KLHL1: variants seen among roughly 807,000 people sequenced by gnomAD.
KLHL1 encodes the protein kelch like family member 1.
A neutral mutation model predicts 77.7 loss-of-function variants in KLHL1; 47 were observed. That is an observed-to-expected ratio of 0.60 (90% CI 0.48 to 0.77). The LOEUF is 0.77. Ranked by LOEUF, KLHL1 falls within the 30% of genes least tolerant of loss-of-function variation. KLHL1 has a pLI of 0.00. For synonymous variants in KLHL1, 360 were observed against 325.2 expected (o/e 1.11, Z -1.15); for missense variants, 925 against 910.8 (o/e 1.02, Z -0.20).
intron 1 of KLHL1, among the ~76,000 whole-genome samples, chr13:70,100,984 A>T (rs1050660220): frequency 2.0e-5 from 3 of 152,208 alleles, no homozygotes; most frequent in Non-Finnish European, 4.4e-5. Flanking sequence ...TGTATATTCT[A>T]TAAGTGTTCT....
chr13:69,903,669 G>A (rs1289429360), intron 4 of KLHL1, among the ~76,000 whole-genome samples: 2 of 95,852 alleles, frequency 2.1e-5, no homozygotes, highest in East Asian at 6.4e-4. Flanking sequence ...TTGAGATGGA[G>A]TGTCGCTCTG....
At chr13:70,005,469 T>G (rs1349448326) in intron 1 of KLHL1, among the ~76,000 whole-genome samples, 1 of 151,968 alleles carries the variant, frequency 6.6e-6, no homozygotes, top group Non-Finnish European at 1.5e-5. Context: ...TGAAATTTGT[T>G]TTTTGGATTT....
At chr13:70,048,788 T>C (rs1329740796) in intron 1 of KLHL1, among the ~76,000 whole-genome samples, 1 of 152,198 alleles carries the variant, frequency 6.6e-6, no homozygotes, top group Non-Finnish European at 1.5e-5. Flanking sequence ...ACTAGCCCAC[T>C]ACTCACCTCT....
At chr13:69,984,746 C>A (rs1465581266) in intron 1 of KLHL1, among the ~76,000 whole-genome samples, 7 of 152,088 alleles carry the variant, frequency 4.6e-5, no homozygotes, top group African/African-American at 1.7e-4. Flanking sequence ...TCTTGATTTC[C>A]TCGGCATGAG....
At chr13:69,780,707 T>TATATATATATATATATAC (rs1876111913) in intron 7 of KLHL1, among the ~76,000 whole-genome samples, 4 of 37,762 alleles carry the variant, frequency 1.1e-4, no homozygotes, top group Admixed American at 2.3e-4. Context: ...TATATGTATA[T>TATATATATATATATATAC]ATATATATGT....
intron 1 of KLHL1, among the ~76,000 whole-genome samples, chr13:70,045,415 CTTT>C (rs1886470145): frequency 6.6e-6 from 1 of 152,064 alleles, no homozygotes; most frequent in Admixed American, 6.6e-5. Flanking sequence ...AACCACTCTT[CTTT>C]TATTTCCACA....
chr13:70,098,919 G>T (rs1359031921), intron 1 of KLHL1, among the ~76,000 whole-genome samples: 1 of 151,562 alleles, frequency 6.6e-6, no homozygotes, highest in East Asian at 1.9e-4. Context: ...GACACCTATA[G>T]ATGGTATATC....
chr13:69,912,444 A>C (rs1489188514), intron 4 of KLHL1, among the ~76,000 whole-genome samples: 3 of 152,212 alleles, frequency 2.0e-5, no homozygotes, highest in Non-Finnish European at 1.5e-5. Context: ...ACTCCTTGCA[A>C]TGACAAACTC....
chr13:69,867,816 C>T (rs895423952), intron 5 of KLHL1, among the ~76,000 whole-genome samples: 29 of 127,204 alleles, frequency 2.3e-4, no homozygotes, highest in African/African-American at 8.4e-4. Flanking sequence ...AACACGTGGA[C>T]ACAGGAAGGG....
At chr13:69,744,137 G>A (rs557777658) in intron 7 of KLHL1, among the ~76,000 whole-genome samples, 1 of 152,242 alleles carries the variant, frequency 6.6e-6, no homozygotes, top group Admixed American at 6.5e-5. Context: ...TATGAAGAGA[G>A]AATGTAACAG....
chr13:70,097,887 G>GTT (rs3072589), intron 1 of KLHL1, among the ~76,000 whole-genome samples: 98 of 144,132 alleles, frequency 6.8e-4, no homozygotes, highest in East Asian at 2.6e-3. Flanking sequence ...TTTCCTTTCT[G>GTT]TTTTTTTTTT....
At chr13:70,089,703 C>T (rs1437124307) in intron 1 of KLHL1, among the ~76,000 whole-genome samples, 1 of 151,962 alleles carries the variant, frequency 6.6e-6, no homozygotes, top group Non-Finnish European at 1.5e-5. Flanking sequence ...TCATGATTTT[C>T]CAAAACATGT....
chr13:69,831,831 G>C (rs576601242), intron 6 of KLHL1, among the ~76,000 whole-genome samples: 2 of 150,048 alleles, frequency 1.3e-5, no homozygotes, highest in East Asian at 3.9e-4. Flanking sequence ...AACATAAACA[G>C]AATTAAAAAC....
intron 1 of KLHL1, among the ~76,000 whole-genome samples, chr13:70,102,548 C>T (rs1887947420): frequency 6.6e-6 from 1 of 152,038 alleles, no homozygotes; most frequent in African/African-American, 2.4e-5. Context: ...CAGATGCTGC[C>T]TCTTTTCTTT....
At chr13:69,746,122 A>G (rs984752661) in intron 7 of KLHL1, among the ~76,000 whole-genome samples, 1 of 151,606 alleles carries the variant, frequency 6.6e-6, no homozygotes, top group East Asian at 1.9e-4. Flanking sequence ...TTTCATCAAT[A>G]AATAAAAAGA....
rs186718819 is a variant in KLHL1 at position 69,884,238 on chromosome 13, C to T, written c.1015-1743G>A. 7.2e-4 allele frequency among the ~76,000 whole-genome samples: 109 copies of T among 152,136 alleles called. 1 individual carries two copies. The East Asian group carries it at 0.019, about 27-fold the overall frequency. ...TTACATTAATTGTATAATAATAATACAATTTGTAAATAATGTCTTTATTTA... is the reference window on the plus strand; with the variant it reads ...TTACATTAATTGTATAATAATAATATAATTTGTAAATAATGTCTTTATTTA... On this transcript the variant is annotated intron_variant, in intron 4 of 10. Transcript: ENST00000377844.
chr13:70,065,125 C>T (rs1225292878), intron 1 of KLHL1, among the ~76,000 whole-genome samples: 1 of 152,138 alleles, frequency 6.6e-6, no homozygotes, highest in East Asian at 1.9e-4. Context: ...CCCCCAGGAA[C>T]AGTGATACTT....
At chr13:69,791,363 T>C (rs1037944399) in intron 7 of KLHL1, among the ~76,000 whole-genome samples, 1 of 152,058 alleles carries the variant, frequency 6.6e-6, no homozygotes, top group African/African-American at 2.4e-5. Flanking sequence ...TACTCACAAA[T>C]TGATCTGGAG....
intron 1 of KLHL1, among the ~76,000 whole-genome samples, chr13:70,047,857 C>T (rs1245944631): frequency 2.0e-5 from 3 of 152,144 alleles, no homozygotes; most frequent in Non-Finnish European, 2.9e-5. Context: ...TGAAGAAACA[C>T]TACATATAAA....
Sources: allele counts gnomAD v4.1 joint callset (sites outside exome capture counted in the v4.1 genomes callset), GRCh38; gene constraint gnomAD v4.1.1; transcripts MANE v1.5; gene names NCBI Gene and HGNC (gene_info 2026-07-23, HGNC 2026-07-21).